The following BNC2 variants were observed in gnomAD, a reference collection of about 807,000 sequenced individuals.
BNC2 encodes zinc finger protein basonuclin-2.
In BNC2, 20 loss-of-function variants were observed where a neutral mutation model predicts 76.3. The observed-to-expected ratio is 0.26, with a 90% CI of 0.18 to 0.38. The LOEUF is 0.38. Ranked by LOEUF, BNC2 falls within the 10% of genes least tolerant of loss-of-function variation. The pLI, the probability that BNC2 is intolerant of heterozygous loss-of-function variation, is 1.00. For synonymous variants in BNC2, 582 were observed against 514.8 expected (o/e 1.13, Z -1.77); for missense variants, 1,382 against 1,399.8 (o/e 0.99, Z 0.20).
At chr9:16,765,030 A>G (rs1485636979) in intron 1 of BNC2, among the ~76,000 whole-genome samples, 1 of 152,212 alleles carries the variant, frequency 6.6e-6, no homozygotes, top group African/African-American at 2.4e-5. Flanking sequence ...TATATCTTCC[A>G]TCTTGGCTCT....
intron 2 of BNC2, among the ~76,000 whole-genome samples, chr9:16,730,447 T>A (rs1824471670): frequency 6.6e-6 from 1 of 151,912 alleles, no homozygotes; most frequent in South Asian, 2.1e-4. Flanking sequence ...AGAATTAGCC[T>A]TTTTTCCCCC....
At chr9:16,422,478 T>C (rs1231387612) in intron 6 of BNC2, among the ~76,000 whole-genome samples, 2 of 152,236 alleles carry the variant, frequency 1.3e-5, no homozygotes, top group African/African-American at 4.8e-5. Flanking sequence ...ACGGGTTCAT[T>C]CATGGTAGTC....
intron 5 of BNC2, among the ~76,000 whole-genome samples, chr9:16,458,877 G>A (rs1821512218): frequency 6.6e-6 from 1 of 152,182 alleles, no homozygotes; most frequent in Non-Finnish European, 1.5e-5. Context: ...CCACATTTCA[G>A]CTCAAGTCCA....
intron 1 of BNC2, among the ~76,000 whole-genome samples, chr9:16,779,349 G>A (rs1428902051): frequency 6.7e-6 from 1 of 149,814 alleles, no homozygotes. Flanking sequence ...CCAGAGGTAA[G>A]TAGAAGAAAG....
At chr9:16,740,254 A>G (rs1391777891) in intron 1 of BNC2, among the ~76,000 whole-genome samples, 1 of 152,234 alleles carries the variant, frequency 6.6e-6, no homozygotes, top group Non-Finnish European at 1.5e-5. Flanking sequence ...ATACAGTAAG[A>G]GCAAACCAAA....
At chr9:16,656,689 T>C (rs10962520) in intron 3 of BNC2, among the ~76,000 whole-genome samples, 52,565 of 152,114 alleles carry the variant, frequency 0.35, 9,314 homozygotes, top group Non-Finnish European at 0.37. Flanking sequence ...GTGGTATGAA[T>C]GCTTAACATG....
chr9:16,620,893 T>C (rs1191477804), intron 3 of BNC2, among the ~76,000 whole-genome samples: 1 of 152,184 alleles, frequency 6.6e-6, no homozygotes, highest in African/African-American at 2.4e-5. Flanking sequence ...AGGATGTTCT[T>C]ACACACACAG....
chr9:16,734,600 G>C (rs1824611139), intron 2 of BNC2, among the ~76,000 whole-genome samples: 1 of 152,208 alleles, frequency 6.6e-6, no homozygotes, highest in Non-Finnish European at 1.5e-5. Context: ...CAAGATCATG[G>C]TCCAAGTTGG....
intron 6 of BNC2, among the ~76,000 whole-genome samples, chr9:16,419,901 G>A (rs1220370207): frequency 6.6e-6 from 1 of 152,136 alleles, no homozygotes; most frequent in African/African-American, 2.4e-5. Context: ...TCTGTCAATG[G>A]TAGGATGAAT....
chr9:16,547,219 C>A (rs542271030), intron 5 of BNC2, among the ~76,000 whole-genome samples: 1 of 152,228 alleles, frequency 6.6e-6, no homozygotes, highest in Admixed American at 6.5e-5. Context: ...ATGTTTTCTA[C>A]CACATGGATA....
intron 5 of BNC2, among the ~76,000 whole-genome samples, chr9:16,465,380 G>A (rs1821682381): frequency 7.1e-6 from 1 of 139,868 alleles, no homozygotes; most frequent in Non-Finnish European, 1.5e-5. Flanking sequence ...AGGTTGCAAT[G>A]AGCTGAGATT....
At chr9:16,714,352 G>C (rs939632565) in intron 3 of BNC2, among the ~76,000 whole-genome samples, 2 of 152,134 alleles carry the variant, frequency 1.3e-5, no homozygotes, top group Admixed American at 6.5e-5. Context: ...TTTTACTTCA[G>C]TGCTTCCCTC....
chr9:16,419,715 G>T (rs957607292), intron 6 of BNC2, 66 bp from the exon 7 acceptor site: 3 of 940,264 alleles, frequency 3.2e-6, no homozygotes, highest in Admixed American at 1.8e-5. Context: ...AAAAAGGAAA[G>T]CATTTTAAAA....
intron 6 of BNC2, among the ~76,000 whole-genome samples, chr9:16,433,272 G>T (rs973870011): frequency 6.6e-6 from 1 of 152,016 alleles, no homozygotes; most frequent in African/African-American, 2.4e-5. Flanking sequence ...TTTCAAGTGA[G>T]AATAAAAAAA....
intron 3 of BNC2, among the ~76,000 whole-genome samples, chr9:16,672,737 A>C (rs1411827962): frequency 6.6e-6 from 1 of 152,178 alleles, no homozygotes; most frequent in Non-Finnish European, 1.5e-5. Flanking sequence ...TACATGTGAC[A>C]TTTTTTTCCT....
Position 16,583,068 on chromosome 9 carries a change from C to G in BNC2, c.348G>C (p.Leu116=). 6.2e-7 allele frequency: 1 copy of G among 1,614,054 alleles called. No individual in the cohort carries two copies. Among genetic ancestry groups the G allele is most frequent in the South Asian group, 1.1e-5 (1 of 91,084 alleles). The change falls in exon 4 of 7, where the codon CTG becomes CTC. Residue 116 remains leucine (L), a synonymous_variant. Transcript: ENST00000380672. ...RMSQQAIRCT[L]VNCTCECFQP... ...GAAAACATTCACATGTGCAGTTTACCAGTGTGCAACGGATGGCCTGAAAAA... is the reference window on the plus strand; with the variant it reads ...GAAAACATTCACATGTGCAGTTTACGAGTGTGCAACGGATGGCCTGAAAAA...
intron 3 of BNC2, among the ~76,000 whole-genome samples, chr9:16,687,588 C>A (rs1049534087): frequency 6.6e-6 from 1 of 152,058 alleles, no homozygotes; most frequent in East Asian, 1.9e-4. Context: ...TATTCCAAAT[C>A]AAAATGAATC....
chr9:16,765,178 T>C (rs1825657614), intron 1 of BNC2, among the ~76,000 whole-genome samples: 1 of 152,214 alleles, frequency 6.6e-6, no homozygotes. Context: ...TTGTCTCTAA[T>C]ATGGTAAACA....
intron 1 of BNC2, among the ~76,000 whole-genome samples, chr9:16,818,475 A>C (rs959701786): frequency 6.6e-6 from 1 of 152,172 alleles, no homozygotes; most frequent in Non-Finnish European, 1.5e-5. Context: ...AGAATACCAA[A>C]ATGGAAGTCC....
Sources: gnomAD v4.1 joint callset for allele counts (sites outside exome capture counted in the v4.1 genomes callset) on GRCh38, gnomAD v4.1.1 for gene constraint, MANE v1.5 for transcripts, NCBI Gene and HGNC (gene_info 2026-07-23, HGNC 2026-07-21) for gene names.